The following CDK9 variants were observed in gnomAD, a reference collection of about 807,000 sequenced individuals.
The protein encoded by CDK9 is cyclin dependent kinase 9.
A neutral mutation model predicts 39.0 loss-of-function variants in CDK9; 34 were observed. That is an observed-to-expected ratio of 0.87 (90% CI 0.66 to 1.16). The LOEUF is 1.16. Among genes scored for constraint, CDK9 ranks in the 50% most tolerant of loss-of-function variants. CDK9 has a pLI of 0.00. For synonymous variants in CDK9, 233 were observed against 196.2 expected (o/e 1.19, Z -1.57); for missense variants, 369 against 503.2 (o/e 0.73, Z 2.55).
rs1004550576 is a variant in CDK9, at chr9:127,789,405, G to A, written c.981G>A (p.Met327Ile). 9 of 1,613,906 alleles carry A rather than the reference G, an allele frequency of 5.6e-6. No homozygotes were observed. Among genetic ancestry groups the A allele is most frequent in the South Asian group, 1.1e-5 (1 of 91,090 alleles). ...CCATGCCCTCCGACCTCAAGGGCAT[G>A]CTCTCCACCCACCTGACGTCCATGT... ...SDPMPSDLKG[M>I]LSTHLTSMFE... Residue 327 changes from methionine to isoleucine, a missense_variant, in exon 7 of 7, where the codon ATG (methionine) becomes ATA (isoleucine). Met to Ile is a conservative substitution (Grantham distance 10, BLOSUM62 1). Transcript: ENST00000373264. The surrounding 1 kb of genome is among the most constrained non-coding windows in gnomAD (Gnocchi z 5.2).
chr9:127,786,301 G>A (rs930904126), intron 1 of CDK9, 61 bp downstream of exon 1: 9 of 1,357,098 alleles, frequency 6.6e-6, no homozygotes, highest in East Asian at 2.4e-5. Context: ...CCGACGTCGG[G>A]ATGCCCGGGC....
Position 127,787,565 on chromosome 9 carries a change from A to G in CDK9, c.222A>G (p.Lys74=), listed in dbSNP as rs1489144463. The stretch of plus-strand genomic sequence containing the variant: ...AGATCAAGATCCTTCAGCTTCTAAA[A>G]CACGAGAATGTGGTCAACTTGATTG... ...LREIKILQLL[K]HENVVNLIEI... Residue 74 remains lysine (K), a synonymous_variant, in exon 3 of 7, where the codon AAA becomes AAG. Transcript: ENST00000373264. The G allele has an allele frequency of 6.2e-7, 1 of 1,613,856 alleles. No individual in the cohort carries two copies. The highest frequency in any genetic ancestry group is 8.5e-7 in the Non-Finnish European group (1 of 1,179,772).
chr9:127,787,937 C>T lies in CDK9; in HGVS notation c.266-10C>T, dbSNP rs768794966. On this transcript the variant is annotated splice_polypyrimidine_tract_variant and intron_variant, in intron 3 of 6. Coordinates refer to ENST00000373264, the MANE Select transcript of CDK9 (RefSeq NM_001261.4). ...TTCTTGACTTTTTCTTCTTTCTATT[C>T]CTGCCTCAGCTTCCCCCTATAACCG... is the stretch of plus-strand genomic sequence containing the variant. The T allele has an allele frequency of 2.0e-5, 33 of 1,613,438 alleles. No individual in the cohort carries two copies. The highest frequency in any genetic ancestry group is 1.7e-4 in the Admixed American group (10 of 59,990).
chr9:127,786,895 A>C, intron 2 of CDK9, 113 bp downstream of exon 2: 1 of 808,294 alleles, frequency 1.2e-6, no homozygotes, highest in Non-Finnish European at 2.0e-6. Context: ...TTTTTGTAGT[A>C]GTTCAGAAAT....
intron 5 of CDK9, 26 bp downstream of exon 5, chr9:127,788,411 G>C (rs369965026): frequency 1.7e-4 from 265 of 1,601,420 alleles, no homozygotes; most frequent in Admixed American, 2.0e-4. Context: ...CGGGCCAAGG[G>C]GGGTGAGGGC....
At chr9:127,787,920 T>C in intron 3 of CDK9, 27 bp from the exon 4 acceptor site, 1 of 1,612,152 alleles carries the variant, frequency 6.2e-7, no homozygotes, top group South Asian at 1.1e-5. Flanking sequence ...TTTTCTTGAC[T>C]TTTTCTTCTT....
intron 2 of CDK9, among the ~76,000 whole-genome samples, chr9:127,787,013 A>G (rs543376986): frequency 1.6e-4 from 25 of 152,198 alleles, no homozygotes; most frequent in Non-Finnish European, 2.5e-4. Context: ...ACTTTATTTC[A>G]CGAAGTTAGG....
intron 3 of CDK9, 41 bp downstream of exon 3, chr9:127,787,649 C>T (rs1251778290): frequency 1.4e-6 from 2 of 1,452,858 alleles, no homozygotes; most frequent in Non-Finnish European, 1.9e-6. Context: ...CACTTGTAGC[C>T]TAAGGTTTTG....
At position 127,788,563 on chromosome 9, in the gene CDK9, C is replaced by G. The variant is rs1829372347; in HGVS notation, c.624C>G (p.Pro208=). The stretch of plus-strand genomic sequence containing the variant: ...TCCCAGGGGAGCGGGACTACGGCCC[C>G]CCCATTGACCTGTGGGGTGCTGGGT... The part of the protein sequence containing the change: ...ELLLGERDYG[P]PIDLWGAGCI... The change falls in exon 6 of 7, where the codon CCC becomes CCG. Residue 208 remains proline (P), a synonymous_variant. Transcript: ENST00000373264. 6.4e-7 allele frequency: 1 copy of G among 1,572,920 alleles called. No individual in the cohort carries two copies. Among genetic ancestry groups the G allele is most frequent in the Non-Finnish European group, 8.6e-7 (1 of 1,159,488 alleles).
rs368750293 is a variant in CDK9, at chr9:127,789,132, C to T, written c.754-46C>T. On this transcript the variant is annotated intron_variant, in intron 6 of 6. Transcript: ENST00000373264. The surrounding 1 kb of genome is among the most constrained non-coding windows in gnomAD (Gnocchi z 5.2). ...CCTTTATGAAGGGATAAGCCACGCA[C>T]CTCCTGACCGGACTCCATATTCTCT... 15 of 1,524,428 alleles carry T rather than the reference C, an allele frequency of 9.8e-6. No homozygotes were observed. In the African/African-American group the frequency reaches 1.1e-4, roughly 11 times the overall value. 94.4% of individuals were successfully genotyped at this position (1,524,428 alleles called of 1,614,324 possible).
At chr9:127,786,385 C>T in intron 1 of CDK9, 145 bp downstream of exon 1, 1 of 759,396 alleles carries the variant, frequency 1.3e-6, no homozygotes, top group Non-Finnish European at 2.2e-6. Context: ...CGCACCCCGC[C>T]CCGGCCTGAC....
At position 127,786,961 on chromosome 9, in the gene CDK9, T is replaced by C. The variant is rs370187519; in HGVS notation, c.174+179T>C. Among the ~76,000 whole-genome samples the C allele has an allele frequency of 1.2e-4, 18 of 152,348 alleles. No individual in the cohort carries two copies. In the East Asian group the frequency reaches 2.1e-3, roughly 18 times the overall value. The stretch of plus-strand genomic sequence containing the variant: ...TAAATGTTTCATTCTTAGGCAGTTA[T>C]GGGTGAGGCCAGGAGGGGGAGTTGA... On this transcript the variant is annotated intron_variant, in intron 2 of 6. Coordinates refer to ENST00000373264, the MANE Select transcript of CDK9 (RefSeq NM_001261.4).
rs1414465400 is a variant in CDK9 at position 127,786,692 on chromosome 9, C to T, written c.93-9C>T. 3.1e-6 allele frequency: 5 copies of T among 1,612,654 alleles called. No homozygotes were observed. The highest frequency in any genetic ancestry group is 1.1e-5 in the South Asian group (1 of 90,862). On this transcript the variant is annotated splice_polypyrimidine_tract_variant and intron_variant, in intron 1 of 6. Coordinates refer to ENST00000373264, the MANE Select transcript of CDK9 (RefSeq NM_001261.4). ...TGATGAGTTCTCGGGTCTCCCTTTC[C>T]GCCTGCAGGGAGGTGTTCAAGGCCA...
chr9:127,786,360 G>T lies in CDK9; in HGVS notation c.92+120G>T, dbSNP rs561652393. The T allele has an allele frequency of 1.5e-5, 13 of 860,556 alleles. No homozygotes were observed. In the East Asian group the frequency reaches 2.4e-4, roughly 16 times the overall value. 53.3% of individuals were successfully genotyped at this position (860,556 alleles called of 1,614,324 possible). A position where few individuals can be genotyped will look rare whatever the true frequency, so the allele number is the denominator to read the frequency against. Reference sequence around the variant, plus strand: ...CGTCTGTCCCCGGGCTTGCCTGCTGGTCTCTAGGCCGCGCCGCACCCCGCC... The same window carrying T: ...CGTCTGTCCCCGGGCTTGCCTGCTGTTCTCTAGGCCGCGCCGCACCCCGCC... On this transcript the variant is annotated intron_variant, in intron 1 of 6. Transcript: ENST00000373264.
In CDK9 at chr9:127,788,650, A is replaced by G. The variant is rs759014029; in HGVS notation, c.711A>G (p.Gln237=). ...TGCAGGGCAACACGGAGCAGCACCA[A>G]CTCGCCCTCATCAGTCAGCTCTGCG... ...PIMQGNTEQH[Q]LALISQLCGS... is the part of the protein sequence containing the mutation. Residue 237 remains glutamine (Q), a synonymous_variant, in exon 6 of 7, where the codon CAA becomes CAG. Transcript: ENST00000373264. 6 of 1,611,618 alleles carry G rather than the reference A, an allele frequency of 3.7e-6. No homozygotes were observed. The South Asian group carries it at 4.4e-5, about 12-fold the overall frequency.
Position 127,788,559 on chromosome 9 carries a change from GC to G in CDK9, c.627del (p.Ile210LeufsTer66), listed in dbSNP as rs755440676. ...TTCTTCCCAGGGGAGCGGGACTACGGCCCCCCCATTGACCTGTGGGGTGCTG... is the reference window on the plus strand; with the variant it reads ...TTCTTCCCAGGGGAGCGGGACTACGGCCCCCCATTGACCTGTGGGGTGCTG... ...PELLLGERDY[G>X]PPIDLWGAGC... On this transcript the variant is annotated frameshift_variant, in exon 6 of 7. Transcript: ENST00000373264. LOFTEE classifies it high-confidence loss of function. 5.7e-6 allele frequency: 9 copies of G among 1,569,122 alleles called. No individual in the cohort carries two copies. The highest frequency in any genetic ancestry group is 3.5e-5 in the South Asian group (3 of 85,698).
rs376698069 is a variant in CDK9, at chr9:127,787,534, T to C, written c.191T>C (p.Leu64Ser). 2.3e-5 allele frequency: 37 copies of C among 1,613,038 alleles called. No homozygotes were observed. Among genetic ancestry groups the C allele is most frequent in the Non-Finnish European group, 3.1e-5 (37 of 1,179,130 alleles). ...CTCACCCAGTTCCCCATTACAGCCT[T>C]GCGGGAGATCAAGATCCTTCAGCTT... ...NEKEGFPITA[L>S]REIKILQLLK... The change falls in exon 3 of 7, where the codon TTG becomes TCG. Residue 64 changes from leucine to serine, a missense_variant. Transcript: ENST00000373264.
At chr9:127,786,379 C>G in intron 1 of CDK9, 139 bp downstream of exon 1, 3 of 765,900 alleles carry the variant, frequency 3.9e-6, no homozygotes, top group South Asian at 1.6e-5. Context: ...CCGCGCCGCA[C>G]CCCGCCCCGG....
chr9:127,788,433 C>T (rs549980498), intron 5 of CDK9, 48 bp downstream of exon 5: 6 of 1,573,174 alleles, frequency 3.8e-6, no homozygotes, highest in Admixed American at 1.9e-5. Context: ...AGGCATCTAC[C>T]TGGCCCCTTC....
Sources: gnomAD v4.1 joint callset for allele counts (sites outside exome capture counted in the v4.1 genomes callset) on GRCh38, gnomAD v4.1.1 for gene constraint, Gnocchi (gnomAD v3.1) non-coding constraint, MANE v1.5 for transcripts, NCBI Gene and HGNC (gene_info 2026-07-23, HGNC 2026-07-21) for gene names.